SLC9A6: variants seen among roughly 807,000 people sequenced by gnomAD.
The protein encoded by SLC9A6 is sodium/hydrogen exchanger 6.
In SLC9A6, 6 loss-of-function variants were observed where a neutral mutation model predicts 45.3. The ratio of observed to expected loss-of-function variants is 0.13; its 90% CI spans 0.07 to 0.26. The LOEUF (loss-of-function observed/expected upper bound fraction) is 0.26, where lower values mean the gene tolerates loss of function less well. Ranked by LOEUF, SLC9A6 falls within the 10% of genes least tolerant of loss-of-function variation. The probability of loss-of-function intolerance (pLI) is 1.00; values close to 1 mark genes in which losing one functional copy is unlikely to be tolerated. For synonymous variants in SLC9A6, 191 were observed against 187.7 expected (o/e 1.02, Z -0.14); for missense variants, 278 against 503.7 (o/e 0.55, Z 4.29).
chrX:136,002,841 A>G (rs2089602290), intron 7 of SLC9A6, among the ~76,000 whole-genome samples: 1 of 111,476 alleles, frequency 9.0e-6, no homozygotes, highest in Non-Finnish European at 1.9e-5. Context: ...TACAGGCGTG[A>G]GCCACTGTGC....
chrX:135,987,560 T>A (rs1218569348), intron 2 of SLC9A6, among the ~76,000 whole-genome samples: 1 of 105,591 alleles, frequency 9.5e-6, no homozygotes, highest in African/African-American at 3.4e-5. Context: ...AGGTCAGCAA[T>A]TTTTTTTTTT....
At chrX:136,008,483 C>T (rs1447468817) in intron 7 of SLC9A6, among the ~76,000 whole-genome samples, 2 of 112,025 alleles carry the variant, frequency 1.8e-5, no homozygotes, top group Non-Finnish European at 3.8e-5. Context: ...TCAGGTGATC[C>T]GCCTGCCTCG....
chrX:136,033,244 A>C, intron 15 of SLC9A6, 170 bp from the exon 16 acceptor site: 1 of 310,089 alleles, frequency 3.2e-6, no homozygotes, highest in Non-Finnish European at 5.9e-6. Context: ...AAACATTTCA[A>C]TTTCCTATTC....
chrX:135,976,468 G>T (rs1556613364), intron 1 of SLC9A6, among the ~76,000 whole-genome samples: 1 of 110,024 alleles, frequency 9.1e-6, no homozygotes, highest in Non-Finnish European at 1.9e-5. Flanking sequence ...CGGGCGTGGT[G>T]GTGGGCCCCT....
In SLC9A6 at chrX:136,013,710, C is replaced by G. The variant is rs1044174637; in HGVS notation, c.1080+273C>G. Among the ~76,000 whole-genome samples the G allele has an allele frequency of 9.9e-5, 11 of 111,555 alleles. No individual in the cohort carries two copies. In the Admixed American group the frequency reaches 1.1e-3, roughly 11 times the overall value. ...AGCTTCCCTTTTTCTCAGTGTTTTC[C>G]CAATTTAATGGCTTTTAAGGGGAAT... On this transcript the variant is annotated intron_variant, in intron 10 of 17. Coordinates refer to ENST00000630721, the MANE Select transcript of SLC9A6 (RefSeq NM_001379110.1).
At chrX:135,996,790 A>G (rs1332445976) in intron 3 of SLC9A6, among the ~76,000 whole-genome samples, 5 of 110,182 alleles carry the variant, frequency 4.5e-5, no homozygotes, top group Admixed American at 9.6e-5. Context: ...TGTTTGAGAC[A>G]GAGTCTCGCT....
chrX:136,018,384 C>T (rs1474533191), intron 11 of SLC9A6, among the ~76,000 whole-genome samples: 2 of 112,008 alleles, frequency 1.8e-5, no homozygotes, highest in Non-Finnish European at 3.8e-5. Flanking sequence ...TGAGTTTGTC[C>T]AGCAGTACTT....
chrX:135,998,663 A>G (rs890986330), intron 5 of SLC9A6, 105 bp downstream of exon 5: 4 of 694,414 alleles, frequency 5.8e-6, no homozygotes, highest in Non-Finnish European at 8.9e-6. Flanking sequence ...GGGTCTAAAG[A>G]CTTTTGCAAT....
chrX:136,011,862 G>A (rs1232720532), intron 8 of SLC9A6, among the ~76,000 whole-genome samples: 3 of 111,017 alleles, frequency 2.7e-5, no homozygotes, highest in South Asian at 3.8e-4. Flanking sequence ...AGGCCATGGC[G>A]GGCGGATCAC....
Position 136,033,509 on chromosome X carries a change from G to GA in SLC9A6, c.1661+16_1661+17insA. The GA allele has an allele frequency of 1.0e-6, 1 of 1,003,690 alleles. No homozygotes were observed. Among genetic ancestry groups the GA allele is most frequent in the Non-Finnish European group, 1.4e-6 (1 of 722,609 alleles). 82.7% of individuals were successfully genotyped at this position (1,003,690 alleles called of 1,213,427 possible). A position where few individuals can be genotyped will look rare whatever the true frequency, so the allele number is the denominator to read the frequency against. On this transcript the variant is annotated intron_variant, in intron 16 of 17. Coordinates refer to ENST00000630721, the MANE Select transcript of SLC9A6 (RefSeq NM_001379110.1). ...TTGATCATAAGTATCCTTAATTGAG[G>GA]GAAAAAAAAAAAGGATAATGTGGAC...
upstream of SLC9A6, chrX:135,983,694 G>C (rs1240868461): frequency 1.9e-5 from 2 of 106,339 alleles, no homozygotes; most frequent in Non-Finnish European, 3.9e-5. Flanking sequence ...GCAATCTGTG[G>C]CTTCGGGTTT....
Position 136,045,938 on chromosome X carries a change from CCATG to C in SLC9A6, c.*1218_*1221del, listed in dbSNP as rs1365994995. 9.1e-5 allele frequency: 10 copies of C among 109,842 alleles called. No homozygotes were observed. The highest frequency in any genetic ancestry group is 1.9e-4 in the Non-Finnish European group (10 of 52,616). The allele number at this position is 109,842 out of a possible 1,213,427, so 9.1% of individuals were successfully genotyped here. A position where few individuals can be genotyped will look rare whatever the true frequency, so the allele number is the denominator to read the frequency against. ...GTTTTAATATTAATTACCTAAGCTG[CCATG>C]CATTTTTTTTTTTACAGTTCTCAAG... On this transcript the variant is annotated 3_prime_UTR_variant, in exon 18 of 18. Coordinates refer to ENST00000630721, the MANE Select transcript of SLC9A6 (RefSeq NM_001379110.1).
intron 7 of SLC9A6, among the ~76,000 whole-genome samples, chrX:136,008,256 A>T (rs1275821061): frequency 9.1e-6 from 1 of 109,956 alleles, no homozygotes; most frequent in East Asian, 2.8e-4. Context: ...TTTTCTTGAG[A>T]TGGAATTTTG....
At chrX:135,985,848 C>T (rs1556614874) in intron 2 of SLC9A6, 21 bp downstream of exon 2, 1 of 1,209,273 alleles carries the variant, frequency 8.3e-7, no homozygotes, top group Non-Finnish European at 1.1e-6. Flanking sequence ...CAACCCTTGT[C>T]AGCCCCTTGG....
rs1278459702 is a variant in SLC9A6, at chrX:136,047,034, G to A, written c.*2310G>A. The A allele has an allele frequency of 8.9e-6, 1 of 112,635 alleles. No individual in the cohort carries two copies. Among genetic ancestry groups the A allele is most frequent in the Non-Finnish European group, 1.9e-5 (1 of 53,299 alleles). The allele number at this position is 112,635 out of a possible 1,213,427, so 9.3% of individuals were successfully genotyped here. On this transcript the variant is annotated 3_prime_UTR_variant, in exon 18 of 18. Transcript: ENST00000630721. ...AAAGTAATAGACTTTTAATCTTTAT[G>A]TATTTTTTGTTTTCTCTGGAGTACT...
chrX:136,027,114 G>A (rs1169411302), intron 13 of SLC9A6, among the ~76,000 whole-genome samples: 1 of 111,815 alleles, frequency 8.9e-6, no homozygotes, highest in Non-Finnish European at 1.9e-5. Flanking sequence ...AAGGTTCCTC[G>A]ACTCATAACA....
At chrX:136,002,425 G>A (rs1429636922) in intron 7 of SLC9A6, among the ~76,000 whole-genome samples, 3 of 111,970 alleles carry the variant, frequency 2.7e-5, no homozygotes, top group Non-Finnish European at 5.6e-5. Context: ...GACAATTACT[G>A]TAAACATTCT....
Position 136,002,154 on chromosome X carries a change from C to T in SLC9A6, c.684C>T (p.Leu228=). The T allele has an allele frequency of 8.3e-7, 1 of 1,208,390 alleles. No individual in the cohort carries two copies. Among genetic ancestry groups the T allele is most frequent in the Non-Finnish European group, 1.1e-6 (1 of 892,569 alleles). The change falls in exon 7 of 18, where the codon CTC becomes CTT. Residue 228 remains leucine, a synonymous_variant. Coordinates refer to ENST00000630721, the MANE Select transcript of SLC9A6 (RefSeq NM_001379110.1). ...ACGAGCTTCAAGTTGATGTTGAACTCTATGCACTTCTTTTTGGTGAAAGTG... is the reference window on the plus strand; with the variant it reads ...ACGAGCTTCAAGTTGATGTTGAACTTTATGCACTTCTTTTTGGTGAAAGTG... ...IFHELQVDVE[L]YALLFGESVL...
chrX:135,985,553 C>T, intron 1 of SLC9A6, 50 bp from the exon 2 acceptor site: 1 of 1,182,378 alleles, frequency 8.5e-7, no homozygotes. Context: ...GCGTCGGCAG[C>T]AGTCCCCGAG....
Sources: gnomAD v4.1 joint callset for allele counts (sites outside exome capture counted in the v4.1 genomes callset) on GRCh38, gnomAD v4.1.1 for gene constraint, MANE v1.5 for transcripts, NCBI Gene and HGNC (gene_info 2026-07-23, HGNC 2026-07-21) for gene names.